The following GNA11 variants were observed in gnomAD, a reference collection of about 807,000 sequenced individuals.
GNA11 encodes guanine nucleotide-binding protein subunit alpha-11.
Under a neutral mutation model 38.2 loss-of-function variants are expected in GNA11, and 8 were observed. That is an observed-to-expected ratio of 0.21 (90% CI 0.12 to 0.38). The LOEUF (loss-of-function observed/expected upper bound fraction) is 0.38, where lower values mean the gene tolerates loss of function less well. Ranked by LOEUF, GNA11 falls within the 10% of genes least tolerant of loss-of-function variation. GNA11 has a pLI of 1.00. For synonymous variants in GNA11, 211 were observed against 221.4 expected, an observed-to-expected ratio of 0.95 and a Z score of 0.42; for missense variants, 268 against 516.3, an observed-to-expected ratio of 0.52 and a Z score of 4.66.
rs1244163492 is a variant in GNA11 at position 3,120,791 on chromosome 19, G to A, written c.890-198G>A. On this transcript the variant is annotated intron_variant, in intron 6 of 6. Coordinates refer to ENST00000078429, the MANE Select transcript of GNA11 (RefSeq NM_002067.5). This position sits in a 1 kb window ranked among gnomAD's most constrained non-coding sequence, Gnocchi z 5.9. Reference sequence around the variant, plus strand: ...CCTGGGCCGTGACAGTAGTGCCCTGGGGCTACAGTGGGATTGGCACCGCAG... The same window carrying A: ...CCTGGGCCGTGACAGTAGTGCCCTGAGGCTACAGTGGGATTGGCACCGCAG... Among the ~76,000 whole-genome samples the A allele has an allele frequency of 6.6e-6, 1 of 152,132 alleles. No homozygotes were observed. Among genetic ancestry groups the A allele is most frequent in the Non-Finnish European group, 1.5e-5 (1 of 68,004 alleles).
rs1310217083 is a variant in GNA11 at position 3,119,168 on chromosome 19, AG to A, written c.736-35del. 6 of 1,607,676 alleles carry A rather than the reference AG, an allele frequency of 3.7e-6. No homozygotes were observed. Among genetic ancestry groups the A allele is most frequent in the Non-Finnish European group, 5.1e-6 (6 of 1,175,650 alleles). The stretch of plus-strand genomic sequence containing the variant: ...GCCCCTTGGGCTGTGTGCAGTGGGG[AG>A]GGCCCCTCTGATTCCCTCTGCCTTC... On this transcript the variant is annotated intron_variant, in intron 5 of 6. Transcript: ENST00000078429. The surrounding 1 kb of genome is among the most constrained non-coding windows in gnomAD (Gnocchi z 4.6).
intron 1 of GNA11, among the ~76,000 whole-genome samples, chr19:3,103,291 G>A (rs1219039217): frequency 6.6e-6 from 1 of 150,376 alleles, no homozygotes; most frequent in Non-Finnish European, 1.5e-5. Context: ...TTGGCTCACT[G>A]CAACCTCTGC....
At chr19:3,096,975 C>G (rs8111533) in intron 1 of GNA11, among the ~76,000 whole-genome samples, 6,552 of 152,250 alleles carry the variant, frequency 0.043, 471 homozygotes, top group African/African-American at 0.15. Flanking sequence ...TCCAAGCAAC[C>G]TTGCATCCCA....
Position 3,110,133 on chromosome 19 carries a change from G to T in GNA11, c.137-16G>T, listed in dbSNP as rs745912473. The T allele has an allele frequency of 3.8e-6, 6 of 1,584,556 alleles. No homozygotes were observed. The South Asian group carries it at 5.8e-5, about 15-fold the overall frequency. On this transcript the variant is annotated splice_polypyrimidine_tract_variant and intron_variant, in intron 1 of 6. Coordinates refer to ENST00000078429, the MANE Select transcript of GNA11 (RefSeq NM_002067.5). This position sits in a 1 kb window ranked among gnomAD's most constrained non-coding sequence, Gnocchi z 5.4. ...GGCCCCGGCTGCCGCCCGCCCTCAC[G>T]TGCCCCGTCCCCCAGGCACGGGCGA...
chr19:3,119,392 C>G lies in GNA11; in HGVS notation c.889+33C>G, dbSNP rs370690074. The stretch of plus-strand genomic sequence containing the variant: ...GGGCTGCGGCATGGGGAGGGGCTCG[C>G]GGGCAGGGCCTTACTGGGGGGAGGG... On this transcript the variant is annotated intron_variant, in intron 6 of 6. Coordinates refer to ENST00000078429, the MANE Select transcript of GNA11 (RefSeq NM_002067.5). This position sits in a 1 kb window ranked among gnomAD's most constrained non-coding sequence, Gnocchi z 4.6. 1.3e-6 allele frequency: 2 copies of G among 1,597,286 alleles called. No homozygotes were observed. The highest frequency in any genetic ancestry group is 1.1e-5 in the South Asian group (1 of 89,238).
At chr19:3,113,217 C>G (rs1011882157) in intron 2 of GNA11, 113 bp from the exon 3 acceptor site, 1 of 963,184 alleles carries the variant, frequency 1.0e-6, no homozygotes, top group Non-Finnish European at 1.6e-6. Context: ...GACTGCACAG[C>G]CTGCGGAATG....
At chr19:3,111,103 GT>G (rs904601207) in intron 2 of GNA11, among the ~76,000 whole-genome samples, 1 of 150,544 alleles carries the variant, frequency 6.6e-6, no homozygotes, top group Non-Finnish European at 1.5e-5. Context: ...CTCCGCCCTG[GT>G]TTTTTTTCTT....
rs1913745925 is a variant in GNA11, at chr19:3,110,454, C to T, written c.321+121C>T. 1.4e-6 allele frequency: 1 copy of T among 717,930 alleles called. No individual in the cohort carries two copies. The allele number at this position is 717,930 out of a possible 1,614,324, so 44.5% of individuals were successfully genotyped here. A position where few individuals can be genotyped will look rare whatever the true frequency, so the allele number is the denominator to read the frequency against. On this transcript the variant is annotated intron_variant, in intron 2 of 6. Coordinates refer to ENST00000078429, the MANE Select transcript of GNA11 (RefSeq NM_002067.5). The surrounding 1 kb of genome is among the most constrained non-coding windows in gnomAD (Gnocchi z 5.4). Reference sequence around the variant, plus strand: ...GGGTCCCGGCCGGCCCAGGCTACCCCTGGTCATCCATCCGTTCCTGTCATG... The same window carrying T: ...GGGTCCCGGCCGGCCCAGGCTACCCTTGGTCATCCATCCGTTCCTGTCATG...
chr19:3,112,734 GCCGTCCTTAGCA>G (rs1171261846), intron 2 of GNA11, among the ~76,000 whole-genome samples: 3 of 152,256 alleles, frequency 2.0e-5, no homozygotes, highest in Admixed American at 6.5e-5. Flanking sequence ...GGGGCCACAC[GCCGTCCTTAGCA>G]CCGGGTGTGG....
intron 1 of GNA11, among the ~76,000 whole-genome samples, chr19:3,095,672 G>C (rs1389120818): frequency 6.6e-6 from 1 of 152,114 alleles, no homozygotes; most frequent in Non-Finnish European, 1.5e-5. Context: ...CTCTCCTCAG[G>C]GTTCCGCTCA....
At chr19:3,106,652 TG>T (rs1913645705) in intron 1 of GNA11, among the ~76,000 whole-genome samples, 1 of 48,004 alleles carries the variant, frequency 2.1e-5, no homozygotes, top group Non-Finnish European at 5.9e-5. Context: ...TGGGTTAACA[TG>T]CCAGCCACCC....
chr19:3,104,259 G>A (rs1221694113), intron 1 of GNA11, among the ~76,000 whole-genome samples: 1 of 152,232 alleles, frequency 6.6e-6, no homozygotes, highest in Non-Finnish European at 1.5e-5. Flanking sequence ...GTTCCTCCTG[G>A]TTGGCCTCTC....
Position 3,094,775 on chromosome 19 carries a change from C to G in GNA11, c.124C>G (p.Leu42Val), listed in dbSNP as rs1342252945. ...GCGCGACGCCCGGCGCGAGCTCAAG[C>G]TGCTGCTGCTCGGTGAGTGCGGCCC... The part of the protein sequence containing the change: ...DKRDARRELK[L>V]LLLGTGESGK... Residue 42 changes from leucine (L) to valine (V), a missense_variant, in exon 1 of 7, where the codon CTG becomes GTG. This residue lies in a region of GNA11 where 151 missense variants were observed against 254.0 expected (regional missense o/e 0.59). Coordinates refer to ENST00000078429, the MANE Select transcript of GNA11 (RefSeq NM_002067.5). The surrounding 1 kb of genome is among the most constrained non-coding windows in gnomAD (Gnocchi z 6.0). 1 of 1,584,060 alleles carries G rather than the reference C, an allele frequency of 6.3e-7. No homozygotes were observed. Among genetic ancestry groups the G allele is most frequent in the Non-Finnish European group, 8.6e-7 (1 of 1,167,376 alleles).
chr19:3,104,297 G>GCCC (rs1913583315), intron 1 of GNA11, among the ~76,000 whole-genome samples: 1 of 152,272 alleles, frequency 6.6e-6, no homozygotes, highest in Non-Finnish European at 1.5e-5. Context: ...GTCCAGTCGG[G>GCCC]AGGGTGGTTT....
At chr19:3,114,797 G>C in intron 3 of GNA11, 147 bp from the exon 4 acceptor site, 1 of 708,002 alleles carries the variant, frequency 1.4e-6, no homozygotes, top group South Asian at 1.9e-5. Flanking sequence ...AGCCCTCCGG[G>C]CTGCTTCAGA....
chr19:3,121,620 C>T lies in GNA11; in HGVS notation c.*441C>T, dbSNP rs1051713192. 2 of 233,580 alleles carry T rather than the reference C, an allele frequency of 8.6e-6. No homozygotes were observed. Among genetic ancestry groups the T allele is most frequent in the Non-Finnish European group, 1.7e-5 (2 of 118,438 alleles). 14.5% of individuals were successfully genotyped at this position (233,580 alleles called of 1,614,324 possible). A position where few individuals can be genotyped will look rare whatever the true frequency, so the allele number is the denominator to read the frequency against. On this transcript the variant is annotated 3_prime_UTR_variant, in exon 7 of 7. Coordinates refer to ENST00000078429, the MANE Select transcript of GNA11 (RefSeq NM_002067.5). ...CCACACCGCAGCCCCCCGTGGCTGT[C>T]CTTCCAACCCCACGTGCTTTTTCTT... is the stretch of plus-strand genomic sequence containing the variant.
At chr19:3,109,575 G>A (rs1913719063) in intron 1 of GNA11, among the ~76,000 whole-genome samples, 1 of 152,248 alleles carries the variant, frequency 6.6e-6, no homozygotes, top group African/African-American at 2.4e-5. Flanking sequence ...CCCCGCCACA[G>A]CACCAAGAGG....
Position 3,119,826 on chromosome 19 carries a change from G to A in GNA11, c.889+467G>A, listed in dbSNP as rs977976979. On this transcript the variant is annotated intron_variant, in intron 6 of 6. Coordinates refer to ENST00000078429, the MANE Select transcript of GNA11 (RefSeq NM_002067.5). The surrounding 1 kb of genome is among the most constrained non-coding windows in gnomAD (Gnocchi z 4.6). Reference sequence around the variant, plus strand: ...GCCAGCGCAGCCCCGTGGGGACCTTGGTGGTAGTCCCTGCATCCTCCTCTG... The same window carrying A: ...GCCAGCGCAGCCCCGTGGGGACCTTAGTGGTAGTCCCTGCATCCTCCTCTG... Among the ~76,000 whole-genome samples the A allele has an allele frequency of 3.3e-5, 5 of 151,946 alleles. No homozygotes were observed. The highest frequency in any genetic ancestry group is 2.6e-4 in the Admixed American group (4 of 15,264).
At chr19:3,095,801 G>A (rs1046002022) in intron 1 of GNA11, among the ~76,000 whole-genome samples, 1 of 151,916 alleles carries the variant, frequency 6.6e-6, no homozygotes, top group Non-Finnish European at 1.5e-5. Flanking sequence ...CTGAGTCCTC[G>A]TTGAGAGCAG....
Sources: gnomAD v4.1 joint callset for allele counts (sites outside exome capture counted in the v4.1 genomes callset) on GRCh38, gnomAD v4.1.1 for gene constraint, gnomAD v4.1.1 regional missense constraint, Gnocchi (gnomAD v3.1) non-coding constraint, MANE v1.5 for transcripts, NCBI Gene and HGNC (gene_info 2026-07-23, HGNC 2026-07-21) for gene names.